The following GRIK2 variants were observed in gnomAD, a reference collection of about 807,000 sequenced individuals.
The protein encoded by GRIK2 is glutamate receptor ionotropic, kainate 2.
In GRIK2, 32 loss-of-function variants were observed where a neutral mutation model predicts 100.3. The ratio of observed to expected loss-of-function variants is 0.32; its 90% CI spans 0.24 to 0.43. GRIK2 has a LOEUF of 0.43. Ranked by LOEUF, GRIK2 falls within the 20% of genes least tolerant of loss-of-function variation. GRIK2 has a pLI of 1.00. For synonymous variants in GRIK2, 417 were observed against 389.4 expected (o/e 1.07, Z -0.83); for missense variants, 843 against 1,114.9 (o/e 0.76, Z 3.47).
At chr6:102,059,924 A>G (rs887576702) in intron 16 of GRIK2, among the ~76,000 whole-genome samples, 2 of 150,298 alleles carry the variant, frequency 1.3e-5, no homozygotes, top group Non-Finnish European at 1.5e-5. Context: ...GTTTCCTGAC[A>G]TAAAAAAAAT....
intron 4 of GRIK2, among the ~76,000 whole-genome samples, chr6:101,632,816 A>G (rs1780827229): frequency 6.6e-6 from 1 of 152,114 alleles, no homozygotes; most frequent in South Asian, 2.1e-4. Context: ...TAACAAGTGC[A>G]CAGAGAGGCA....
At chr6:101,671,307 C>A (rs1770414284) in intron 4 of GRIK2, among the ~76,000 whole-genome samples, 1 of 151,858 alleles carries the variant, frequency 6.6e-6, no homozygotes, top group South Asian at 2.1e-4. Flanking sequence ...ACATTAAATT[C>A]ATTATTAGTT....
intron 7 of GRIK2, among the ~76,000 whole-genome samples, chr6:101,780,855 C>T (rs538063581): frequency 1.7e-3 from 264 of 152,248 alleles, no homozygotes; most frequent in African/African-American, 5.8e-3. Flanking sequence ...GAAAACCTCC[C>T]GAGCAGCAAC....
At chr6:101,813,410 A>G (rs559909881) in intron 9 of GRIK2, among the ~76,000 whole-genome samples, 1 of 152,320 alleles carries the variant, frequency 6.6e-6, no homozygotes, top group East Asian at 1.9e-4. Context: ...TAAGTCTGCA[A>G]CCATAAAAGT....
chr6:101,979,214 C>T (rs1342926593), intron 14 of GRIK2, among the ~76,000 whole-genome samples: 1 of 151,828 alleles, frequency 6.6e-6, no homozygotes, highest in African/African-American at 2.4e-5. Context: ...GAGTGGACTA[C>T]AGGAAACTAT....
intron 12 of GRIK2, among the ~76,000 whole-genome samples, chr6:101,922,099 C>CCTTT (rs1789569167): frequency 8.4e-5 from 2 of 23,932 alleles, no homozygotes; most frequent in Non-Finnish European, 1.7e-4. Context: ...TTCCTTCCTT[C>CCTTT]CTTCCTTCCT....
At chr6:101,433,033 A>C (rs1219972045) in intron 2 of GRIK2, among the ~76,000 whole-genome samples, 1 of 152,188 alleles carries the variant, frequency 6.6e-6, no homozygotes, top group Non-Finnish European at 1.5e-5. Flanking sequence ...TGTTTGAGAC[A>C]CAAACGCTGA....
At chr6:101,704,108 G>A (rs1773091628) in intron 7 of GRIK2, among the ~76,000 whole-genome samples, 1 of 151,656 alleles carries the variant, frequency 6.6e-6, no homozygotes, top group Non-Finnish European at 1.5e-5. Context: ...GAGATTAGGG[G>A]CCATAAATGT....
chr6:101,676,472 A>G (rs1304847066), intron 4 of GRIK2, 151 bp from the exon 5 acceptor site: 3 of 470,292 alleles, frequency 6.4e-6, no homozygotes, highest in Non-Finnish European at 1.1e-5. Flanking sequence ...AAACTATCTC[A>G]TGTAGTTTAT....
rs544127506 is a variant in GRIK2, at chr6:101,537,984, A to C, written c.116-83965A>C. 1.4e-4 allele frequency among the ~76,000 whole-genome samples: 21 copies of C among 151,984 alleles called. No individual in the cohort carries two copies. In the East Asian group the frequency reaches 2.7e-3, roughly 20 times the overall value. On this transcript the variant is annotated intron_variant, in intron 2 of 16. Transcript: ENST00000369134. ...TATTCAGTTTCAGAATGACTGCAAT[A>C]AAAGCTACAATAAAGGGAACTACTT...
chr6:101,406,560 C>A (rs1235419140), intron 2 of GRIK2, among the ~76,000 whole-genome samples: 2 of 152,048 alleles, frequency 1.3e-5, no homozygotes, highest in South Asian at 4.1e-4. Context: ...GGAAGAGGAA[C>A]ACATAGTCTC....
intron 4 of GRIK2, among the ~76,000 whole-genome samples, chr6:101,665,485 A>T (rs1184402107): frequency 6.6e-6 from 1 of 152,190 alleles, no homozygotes; most frequent in Non-Finnish European, 1.5e-5. Context: ...ATTCTAGTAG[A>T]CACTGAATAT....
chr6:101,508,093 ATT>A (rs11441814), intron 2 of GRIK2, among the ~76,000 whole-genome samples: 3 of 149,592 alleles, frequency 2.0e-5, no homozygotes, highest in South Asian at 2.1e-4. Flanking sequence ...GATTATTATT[ATT>A]TTTTTTTTTG....
At chr6:101,754,869 A>T (rs1777028184) in intron 7 of GRIK2, among the ~76,000 whole-genome samples, 1 of 152,190 alleles carries the variant, frequency 6.6e-6, no homozygotes, top group Non-Finnish European at 1.5e-5. Context: ...GGATCATGGG[A>T]ATCAGAGGAG....
At chr6:102,060,795 T>C (rs1034999860) in intron 16 of GRIK2, among the ~76,000 whole-genome samples, 5 of 150,626 alleles carry the variant, frequency 3.3e-5, no homozygotes, top group Admixed American at 2.7e-4. Flanking sequence ...AGTGTAAAAA[T>C]TATAGCTGTA....
intron 2 of GRIK2, among the ~76,000 whole-genome samples, chr6:101,500,707 T>C (rs186750777): frequency 5.2e-4 from 79 of 152,222 alleles, no homozygotes; most frequent in African/African-American, 1.6e-3. Context: ...ACTAAAATTA[T>C]TGTTTGGAAA....
At chr6:101,857,001 A>G (rs770814826) in intron 10 of GRIK2, among the ~76,000 whole-genome samples, 2 of 152,176 alleles carry the variant, frequency 1.3e-5, no homozygotes, top group South Asian at 4.1e-4. Context: ...TTCTCTTCCT[A>G]CTTAATAAAA....
chr6:101,546,639 T>A (rs1013161458), intron 2 of GRIK2, among the ~76,000 whole-genome samples: 3 of 152,000 alleles, frequency 2.0e-5, no homozygotes, highest in African/African-American at 7.2e-5. Context: ...AAATTAGTAA[T>A]GTCTCTTAAA....
chr6:101,663,147 C>T (rs966910747), intron 4 of GRIK2, among the ~76,000 whole-genome samples: 12 of 152,058 alleles, frequency 7.9e-5, no homozygotes, highest in Admixed American at 4.6e-4. Context: ...TCAATGTCAA[C>T]GTTAAATCAT....
Sources: gnomAD v4.1 joint callset for allele counts (sites outside exome capture counted in the v4.1 genomes callset) on GRCh38, gnomAD v4.1.1 for gene constraint, MANE v1.5 for transcripts, NCBI Gene and HGNC (gene_info 2026-07-23, HGNC 2026-07-21) for gene names.